MOB1B: variants seen among roughly 807,000 people sequenced by gnomAD.
MOB1B encodes the protein MOB1 Mps One Binder homolog B.
A neutral mutation model predicts 24.4 loss-of-function variants in MOB1B; 19 were observed. The observed-to-expected ratio is 0.78, with a 90% CI of 0.54 to 1.14. The LOEUF (loss-of-function observed/expected upper bound fraction) is 1.14. MOB1B is among the 50% of genes most tolerant of loss of function. The probability of loss-of-function intolerance (pLI) is 0.00; values close to 1 mark genes in which losing one functional copy is unlikely to be tolerated. For missense variants in MOB1B, 243 were observed against 259.6 expected, an observed-to-expected ratio of 0.94 and a Z score of 0.44; for synonymous variants, 76 against 82.1, an observed-to-expected ratio of 0.93 and a Z score of 0.40.
At chr4:70,907,495 G>C (rs7692779) in intron 1 of MOB1B, among the ~76,000 whole-genome samples, 1 of 152,052 alleles carries the variant, frequency 6.6e-6, no homozygotes. Context: ...ATTTGGAACG[G>C]AGTTAAAACA....
chr4:70,953,913 C>CA (rs1737916820), intron 1 of MOB1B, among the ~76,000 whole-genome samples: 1 of 152,056 alleles, frequency 6.6e-6, no homozygotes, highest in South Asian at 2.1e-4. Flanking sequence ...CACTGCACTC[C>CA]AGCCTGGGTG....
chr4:70,976,763 T>TATATATATATATATA (rs1739019698), intron 4 of MOB1B: 1 of 213,370 alleles, frequency 4.7e-6, no homozygotes, highest in African/African-American at 2.7e-5. Context: ...CATATATATA[T>TATATATATATATATA]ATATATATAT....
At chr4:70,958,821 T>G in intron 1 of MOB1B, 53 bp from the exon 2 acceptor site, 1 of 1,483,234 alleles carries the variant, frequency 6.7e-7, no homozygotes, top group South Asian at 1.2e-5. Context: ...AATGACTCTA[T>G]TGAATGTCAT....
chr4:70,914,624 A>G lies in MOB1B; in HGVS notation c.14+12074A>G, dbSNP rs975481422. Among the ~76,000 whole-genome samples the G allele has an allele frequency of 3.9e-5, 6 of 152,232 alleles. No individual in the cohort carries two copies. In the South Asian group the frequency reaches 1.2e-3, roughly 32 times the overall value. ...TTTTTAGCTATATCTATCTGTGTAT[A>G]TTAAACGAGTTCACATCACTACCTT... On this transcript the variant is annotated intron_variant, in intron 1 of 5. Coordinates refer to ENST00000309395, the MANE Select transcript of MOB1B (RefSeq NM_173468.4).
chr4:70,959,650 C>T (rs756845166), intron 2 of MOB1B, among the ~76,000 whole-genome samples: 62 of 152,270 alleles, frequency 4.1e-4, no homozygotes, highest in Non-Finnish European at 7.2e-4. Flanking sequence ...CTCCTTTCTA[C>T]GTGGATGATT....
chr4:70,980,578 G>A (rs149332484), intron 5 of MOB1B, among the ~76,000 whole-genome samples: 1 of 152,220 alleles, frequency 6.6e-6, no homozygotes, highest in Non-Finnish European at 1.5e-5. Context: ...CCTGCCTTGG[G>A]CCCCACAATT....
At chr4:70,961,668 T>G (rs922483014) in intron 2 of MOB1B, among the ~76,000 whole-genome samples, 33 of 152,220 alleles carry the variant, frequency 2.2e-4, no homozygotes, top group African/African-American at 7.7e-4. Flanking sequence ...TACTCTGCTT[T>G]GAAAATACAA....
At chr4:70,919,977 A>G (rs1009259807) in intron 1 of MOB1B, among the ~76,000 whole-genome samples, 5 of 152,248 alleles carry the variant, frequency 3.3e-5, no homozygotes, top group East Asian at 3.8e-4. Context: ...TTCAAAAGCC[A>G]AAGAAACAGC....
At chr4:70,940,421 A>G (rs1230572345) in intron 1 of MOB1B, among the ~76,000 whole-genome samples, 4 of 152,078 alleles carry the variant, frequency 2.6e-5, no homozygotes, top group African/African-American at 9.7e-5. Context: ...GCGAGACCCC[A>G]TGTCAGAAAA....
chr4:70,963,137 A>G (rs1738370509), intron 2 of MOB1B, among the ~76,000 whole-genome samples: 1 of 152,242 alleles, frequency 6.6e-6, no homozygotes, highest in Admixed American at 6.5e-5. Context: ...TATCCAAAAT[A>G]TACATAGAGC....
At chr4:70,971,713 A>G (rs568742429) in intron 3 of MOB1B, among the ~76,000 whole-genome samples, 1 of 152,258 alleles carries the variant, frequency 6.6e-6, no homozygotes, top group African/African-American at 2.4e-5. Flanking sequence ...GTGAAAATAG[A>G]TGTCTTTAAT....
chr4:70,939,281 G>T (rs1482773677), intron 1 of MOB1B, among the ~76,000 whole-genome samples: 2 of 152,144 alleles, frequency 1.3e-5, no homozygotes, highest in Non-Finnish European at 2.9e-5. Flanking sequence ...ATAAAGTGAA[G>T]TTTTTTAAAT....
chr4:70,970,070 C>A, intron 3 of MOB1B, 46 bp downstream of exon 3: 2 of 1,183,638 alleles, frequency 1.7e-6, no homozygotes, highest in Admixed American at 2.1e-5. Context: ...CATTATTTTA[C>A]GGTTCTTAAA....
chr4:70,918,532 G>A (rs1348595254), intron 1 of MOB1B, among the ~76,000 whole-genome samples: 2 of 151,554 alleles, frequency 1.3e-5, no homozygotes, highest in African/African-American at 2.4e-5. Context: ...CTTTTTGATG[G>A]GGTTGTTTGT....
At chr4:70,974,394 G>A (rs962949311) in intron 3 of MOB1B, among the ~76,000 whole-genome samples, 7 of 152,180 alleles carry the variant, frequency 4.6e-5, no homozygotes, top group South Asian at 2.1e-4. Flanking sequence ...GTGAGCCACC[G>A]TGCCCGGCCT....
chr4:70,930,888 A>G (rs1335021798), intron 1 of MOB1B, among the ~76,000 whole-genome samples: 2 of 152,048 alleles, frequency 1.3e-5, no homozygotes, highest in African/African-American at 4.8e-5. Flanking sequence ...CGTCTCAAAT[A>G]ATGTGAAATG....
At chr4:70,973,494 CATA>C (rs1196275191) in intron 3 of MOB1B, among the ~76,000 whole-genome samples, 16 of 117,778 alleles carry the variant, frequency 1.4e-4, no homozygotes, top group Non-Finnish European at 7.2e-5. Flanking sequence ...AAAAAAAAAA[CATA>C]ATGATGGCTA....
intron 1 of MOB1B, among the ~76,000 whole-genome samples, chr4:70,929,534 A>C (rs974286518): frequency 6.6e-6 from 1 of 152,024 alleles, no homozygotes; most frequent in Non-Finnish European, 1.5e-5. Flanking sequence ...AGTCTGTAGC[A>C]CAGTGGCCCA....
At chr4:70,927,700 T>C (rs1736708974) in intron 1 of MOB1B, among the ~76,000 whole-genome samples, 1 of 152,200 alleles carries the variant, frequency 6.6e-6, no homozygotes, top group African/African-American at 2.4e-5. Context: ...TTCTTGGCAT[T>C]GCTGCCACTG....
Sources: gnomAD v4.1 joint callset for allele counts (sites outside exome capture counted in the v4.1 genomes callset) on GRCh38, gnomAD v4.1.1 for gene constraint, MANE v1.5 for transcripts, NCBI Gene and HGNC (gene_info 2026-07-23, HGNC 2026-07-21) for gene names.